MTG2: variants seen among roughly 807,000 people sequenced by gnomAD.
MTG2 encodes mitochondrial ribosome associated GTPase 2, also known as mitochondrial ribosome-associated GTPase 2.
Under a neutral mutation model 28.6 loss-of-function variants are expected in MTG2, and 23 were observed. The observed-to-expected ratio is 0.80, with a 90% CI of 0.58 to 1.14. MTG2 has a LOEUF of 1.14. Among genes scored for constraint, MTG2 ranks in the 50% most tolerant of loss-of-function variants. MTG2 has a pLI of 0.00. For synonymous variants in MTG2, 260 were observed against 251.8 expected, an observed-to-expected ratio of 1.03 and a Z score of -0.31; for missense variants, 539 against 552.0, an observed-to-expected ratio of 0.98 and a Z score of 0.24.
chr20:62,193,678 G>A, intron 2 of MTG2, 54 bp downstream of exon 2: 1 of 1,522,752 alleles, frequency 6.6e-7, no homozygotes. Flanking sequence ...GAAGGCACAG[G>A]GTGTGGTTTC....
chr20:62,199,062 C>G, intron 5 of MTG2, 57 bp from the exon 6 acceptor site: 1 of 1,608,610 alleles, frequency 6.2e-7, no homozygotes, highest in South Asian at 1.1e-5. Flanking sequence ...GTTACAGACT[C>G]TGCGCTAACA....
Position 62,200,727 on chromosome 20 carries a change from G to A in MTG2, c.871G>A (p.Gly291Ser), listed in dbSNP as rs943715495. ...GIIRGAHQNR[G>S]LGSAFLRHIE... The stretch of plus-strand genomic sequence containing the variant: ...CATACGAGGCGCCCACCAGAACAGG[G>A]GTCTGGGGTCCGCCTTCCTCAGGCA... The change falls in exon 7 of 7, where the codon GGT becomes AGT. Residue 291 changes from glycine (G) to serine (S), a missense_variant. Transcript: ENST00000370823. The A allele has an allele frequency of 1.9e-6, 3 of 1,613,110 alleles. No homozygotes were observed. The highest frequency in any genetic ancestry group is 2.5e-6 in the Non-Finnish European group (3 of 1,180,026).
chr20:62,195,356 A>G (rs898446036), intron 2 of MTG2, among the ~76,000 whole-genome samples: 2 of 152,160 alleles, frequency 1.3e-5, no homozygotes, highest in African/African-American at 4.8e-5. Context: ...CTAACTTCCT[A>G]TTTCTCTATC....
At chr20:62,183,466 G>A (rs1323397860) in intron 1 of MTG2, among the ~76,000 whole-genome samples, 2 of 152,242 alleles carry the variant, frequency 1.3e-5, no homozygotes, top group African/African-American at 4.8e-5. Flanking sequence ...ATTATTGGCA[G>A]TATACAGTTG....
At chr20:62,188,412 C>A (rs970355087) in intron 1 of MTG2, among the ~76,000 whole-genome samples, 2 of 151,884 alleles carry the variant, frequency 1.3e-5, no homozygotes, top group Non-Finnish European at 2.9e-5. Flanking sequence ...TGGTTCACTG[C>A]AGCCTCCAAC....
At position 62,200,757 on chromosome 20, in the gene MTG2, G is replaced by C; in HGVS notation, c.901G>C (p.Glu301Gln). Residue 301 changes from glutamate to glutamine, a missense_variant, in exon 7 of 7, where the codon GAG (glutamate) becomes CAG (glutamine). Physicochemically the swap from Glu to Gln is conservative, Grantham distance 29. Coordinates refer to ENST00000370823, the MANE Select transcript of MTG2 (RefSeq NM_015666.4). ...GGGGTCCGCCTTCCTCAGGCACATC[G>C]AGCGCTGCCGCTTTCTCTTGTTCGT... ...GLGSAFLRHI[E>Q]RCRFLLFVVD... 6.2e-7 allele frequency: 1 copy of C among 1,613,646 alleles called. No homozygotes were observed. The highest frequency in any genetic ancestry group is 8.5e-7 in the Non-Finnish European group (1 of 1,180,034).
chr20:62,184,272 C>T lies in MTG2; in HGVS notation c.-6+1215C>T, dbSNP rs912277453. On this transcript the variant is annotated intron_variant, in intron 1 of 6. Coordinates refer to ENST00000370823, the MANE Select transcript of MTG2 (RefSeq NM_015666.4). ...ACTGGGGAGGCTGAGGCAGGAGAAT[C>T]GCTTGAACCTGGGAGGTGGAGGTTG... 2.0e-5 allele frequency among the ~76,000 whole-genome samples: 3 copies of T among 151,892 alleles called. No individual in the cohort carries two copies. In the South Asian group the frequency reaches 6.2e-4, roughly 32 times the overall value.
Position 62,195,812 on chromosome 20 carries a change from T to A in MTG2, c.215T>A (p.Phe72Tyr), listed in dbSNP as rs1307174512. ...LLSEKKLKRY[F>Y]VDYRRVLVCG... ...TTGTGTTCTCTGTAGAAAAGGTACT[T>A]TGTGGACTATCGGAGAGTGCTTGTC... Residue 72 changes from phenylalanine to tyrosine, a missense_variant, in exon 3 of 7, where the codon TTT becomes TAT. Phe to Tyr is a conservative substitution (Grantham distance 22, BLOSUM62 3). Transcript: ENST00000370823. The A allele has an allele frequency of 6.2e-7, 1 of 1,614,030 alleles. No individual in the cohort carries two copies. The highest frequency in any genetic ancestry group is 8.5e-7 in the Non-Finnish European group (1 of 1,180,026).
At chr20:62,198,921 GA>G (rs2058110200) in intron 5 of MTG2, 69 bp downstream of exon 5, 2 of 1,595,028 alleles carry the variant, frequency 1.3e-6, no homozygotes, top group African/African-American at 2.7e-5. Flanking sequence ...TCTCAATGGG[GA>G]TTTGCCAGTG....
intron 6 of MTG2, chr20:62,200,383 T>G: frequency 3.1e-6 from 1 of 318,498 alleles, no homozygotes; most frequent in Non-Finnish European, 5.7e-6. Context: ...TTTTGAATCC[T>G]ATTAGAAGCA....
At chr20:62,187,125 G>T (rs879330767) in intron 1 of MTG2, among the ~76,000 whole-genome samples, 6 of 152,102 alleles carry the variant, frequency 3.9e-5, no homozygotes, top group Non-Finnish European at 8.8e-5. Flanking sequence ...TTGAGACGGT[G>T]GTACCACCTG....
At chr20:62,186,685 C>T (rs1760057) in intron 1 of MTG2, among the ~76,000 whole-genome samples, 5,460 of 152,116 alleles carry the variant, frequency 0.036, 286 homozygotes, top group African/African-American at 0.12. Flanking sequence ...CGTGCCACCA[C>T]GCCTGGCTAA....
intron 1 of MTG2, among the ~76,000 whole-genome samples, chr20:62,184,225 G>A (rs1396400493): frequency 6.6e-6 from 1 of 152,192 alleles, no homozygotes; most frequent in Non-Finnish European, 1.5e-5. Context: ...GGGCGTGGTG[G>A]CAGGCGCCTG....
chr20:62,197,111 T>C (rs1444289158), intron 3 of MTG2: 3 of 151,258 alleles, frequency 2.0e-5, no homozygotes, highest in African/African-American at 7.3e-5. Flanking sequence ...AAAAGCAACT[T>C]TGAGGCCAGG....
chr20:62,200,164 TCAG>T, intron 6 of MTG2: 1 of 152,592 alleles, frequency 6.6e-6, no homozygotes, highest in East Asian at 1.9e-4. Context: ...CTGTGGAAGC[TCAG>T]CAGCATCACA....
At chr20:62,183,154 G>T (rs944671063) in intron 1 of MTG2, 97 bp downstream of exon 1, 5 of 152,288 alleles carry the variant, frequency 3.3e-5, no homozygotes, top group Non-Finnish European at 5.9e-5. Context: ...GGGTACCGGG[G>T]CGCTGGGAGC....
intron 2 of MTG2, 88 bp downstream of exon 2, chr20:62,193,712 C>G (rs970874640): frequency 1.6e-6 from 2 of 1,243,096 alleles, no homozygotes; most frequent in Non-Finnish European, 2.2e-6. Flanking sequence ...GGTCTCATCT[C>G]TGTTGATGTT....
chr20:62,192,755 C>T (rs1381163080), intron 1 of MTG2, among the ~76,000 whole-genome samples: 2 of 152,144 alleles, frequency 1.3e-5, no homozygotes, highest in Non-Finnish European at 2.9e-5. Context: ...CCCTGTCACT[C>T]AGGAAATTAC....
intron 2 of MTG2, among the ~76,000 whole-genome samples, chr20:62,195,076 G>A (rs201689854): frequency 6.6e-6 from 1 of 151,974 alleles, no homozygotes; most frequent in South Asian, 2.1e-4. Flanking sequence ...GGTGCCTGTA[G>A]TCCCAGCTAC....
Sources: gnomAD v4.1 joint callset for allele counts (sites outside exome capture counted in the v4.1 genomes callset) on GRCh38, gnomAD v4.1.1 for gene constraint, MANE v1.5 for transcripts, NCBI Gene and HGNC (gene_info 2026-07-23, HGNC 2026-07-21) for gene names.